The following RGS17 variants were observed in gnomAD, a reference collection of about 807,000 sequenced individuals.
RGS17 encodes the protein regulator of G protein signaling 17, also known as regulator of G-protein signaling 17.
RGS17 carries 12 observed loss-of-function variants against 25.5 expected under a neutral mutation model. The ratio of observed to expected loss-of-function variants is 0.47; its 90% CI spans 0.30 to 0.76. The LOEUF (loss-of-function observed/expected upper bound fraction) is 0.76. Among genes scored for constraint, RGS17 ranks in the 30% least tolerant of loss-of-function variants. RGS17 has a pLI of 0.07. For synonymous variants in RGS17, 71 were observed against 76.9 expected (o/e 0.92, Z 0.40); for missense variants, 196 against 242.2 (o/e 0.81, Z 1.27).
intron 1 of RGS17, among the ~76,000 whole-genome samples, chr6:153,045,116 C>A (rs1776371592): frequency 1.3e-5 from 2 of 152,144 alleles, no homozygotes; most frequent in Non-Finnish European, 2.9e-5. Flanking sequence ...CAATGATAAA[C>A]ACTTTAAAAA....
chr6:153,087,919 T>A (rs1358483345), intron 1 of RGS17, among the ~76,000 whole-genome samples: 1 of 152,162 alleles, frequency 6.6e-6, no homozygotes, highest in Non-Finnish European at 1.5e-5. Context: ...TGAATGTGGG[T>A]TACATTTACT....
At chr6:153,067,666 C>CA (rs1451063106) in intron 1 of RGS17, among the ~76,000 whole-genome samples, 1 of 151,878 alleles carries the variant, frequency 6.6e-6, no homozygotes, top group Non-Finnish European at 1.5e-5. Flanking sequence ...AAGAGGACAC[C>CA]AAAAAATGGA....
In RGS17 at chr6:153,007,963, T is replaced by A. The variant is rs936963957; in HGVS notation, c.*3611A>T. ...GATTGTATTTTAAATTCCTTCTCTT[T>A]TACATTTCAACACCAAAGCATCTAA... On this transcript the variant is annotated 3_prime_UTR_variant, in exon 5 of 5. Transcript: ENST00000206262. The A allele has an allele frequency of 3.3e-5, 5 of 152,192 alleles. No individual in the cohort carries two copies. Among genetic ancestry groups the A allele is most frequent in the African/African-American group, 9.6e-5 (4 of 41,452 alleles). The allele number at this position is 152,192 out of a possible 1,614,324, so 9.4% of individuals were successfully genotyped here. A position where few individuals can be genotyped will look rare whatever the true frequency, so the allele number is the denominator to read the frequency against.
rs1417012444 is a variant in RGS17 at position 153,054,049 on chromosome 6, A to G, written c.-25-10006T>C. On this transcript the variant is annotated intron_variant, in intron 1 of 4. Coordinates refer to ENST00000206262, the MANE Select transcript of RGS17 (RefSeq NM_012419.5). Reference sequence around the variant, plus strand: ...AATATATATACATATATATGTATATATGTATATAATATATATACATATATA... The same window carrying G: ...AATATATATACATATATATGTATATGTGTATATAATATATATACATATATA... Among the ~76,000 whole-genome samples, 148 of 84,438 alleles carry G rather than the reference A, an allele frequency of 1.8e-3. 11 individuals are homozygous for G. The highest frequency in any genetic ancestry group is 6.4e-3 in the Admixed American group (40 of 6,224). 55.4% of individuals were successfully genotyped at this position (84,438 alleles called of 152,430 possible). A position where few individuals can be genotyped will look rare whatever the true frequency, so the allele number is the denominator to read the frequency against.
intron 2 of RGS17, 31 bp from the exon 3 acceptor site, chr6:153,026,574 A>T (rs1779305234): frequency 6.5e-7 from 1 of 1,542,788 alleles, no homozygotes; most frequent in South Asian, 1.1e-5. Context: ...TAATTTTGTC[A>T]AGGGAAATTC....
chr6:153,103,175 T>C (rs920064823), intron 1 of RGS17, among the ~76,000 whole-genome samples: 2 of 152,152 alleles, frequency 1.3e-5, no homozygotes, highest in Non-Finnish European at 2.9e-5. Context: ...GATCTAACAT[T>C]TGAGTAATGA....
At chr6:153,064,274 C>G (rs1037803062) in intron 1 of RGS17, among the ~76,000 whole-genome samples, 3 of 152,074 alleles carry the variant, frequency 2.0e-5, no homozygotes, top group African/African-American at 7.2e-5. Context: ...AAAATAATAA[C>G]TTCAACAACT....
chr6:153,089,020 T>C lies in RGS17; in HGVS notation c.-26+42104A>G, dbSNP rs529452732. Among the ~76,000 whole-genome samples the C allele has an allele frequency of 5.3e-5, 8 of 152,312 alleles. No individual in the cohort carries two copies. The East Asian group carries it at 1.5e-3, about 29-fold the overall frequency. ...TCCTACTTTGTGTATTTTGTGACTA[T>C]GTGTTTGCAGAATCTCAAGAACTGC... is the stretch of plus-strand genomic sequence containing the variant. On this transcript the variant is annotated intron_variant, in intron 1 of 4. Transcript: ENST00000206262.
intron 4 of RGS17, among the ~76,000 whole-genome samples, chr6:153,020,454 T>TA (rs1459100093): frequency 2.6e-5 from 4 of 151,958 alleles, no homozygotes; most frequent in Admixed American, 2.6e-4. Context: ...CGCCCGGTGA[T>TA]ATCTCTTATT....
At chr6:153,014,654 C>G (rs183308774) in intron 4 of RGS17, among the ~76,000 whole-genome samples, 9 of 152,074 alleles carry the variant, frequency 5.9e-5, no homozygotes, top group Admixed American at 2.0e-4. Context: ...AAAAATTAGC[C>G]AGGTGTGGTG....
intron 1 of RGS17, among the ~76,000 whole-genome samples, chr6:153,087,103 C>T (rs1038959569): frequency 1.2e-5 from 1 of 81,358 alleles, no homozygotes; most frequent in Non-Finnish European, 3.0e-5. Flanking sequence ...GCCAACATGG[C>T]GAAACCCCAT....
chr6:153,049,149 C>G (rs1449493777), intron 1 of RGS17, among the ~76,000 whole-genome samples: 1 of 152,058 alleles, frequency 6.6e-6, no homozygotes, highest in Non-Finnish European at 1.5e-5. Flanking sequence ...TGGTTATCAA[C>G]ATAAAACTTC....
At position 153,008,007 on chromosome 6, in the gene RGS17, A is replaced by T. The variant is rs1213014994; in HGVS notation, c.*3567T>A. The T allele has an allele frequency of 6.6e-6, 1 of 152,218 alleles. No individual in the cohort carries two copies. Among genetic ancestry groups the T allele is most frequent in the East Asian group, 1.9e-4 (1 of 5,204 alleles). 9.4% of individuals were successfully genotyped at this position (152,218 alleles called of 1,614,324 possible). On this transcript the variant is annotated 3_prime_UTR_variant, in exon 5 of 5. Transcript: ENST00000206262. Reference sequence around the variant, plus strand: ...CATCTAATAATTGGTATTTTTTGAGATATAATTTGTCACAATTACAATATG... The same window carrying T: ...CATCTAATAATTGGTATTTTTTGAGTTATAATTTGTCACAATTACAATATG...
At chr6:153,047,576 G>T (rs1445142475) in intron 1 of RGS17, among the ~76,000 whole-genome samples, 1 of 152,164 alleles carries the variant, frequency 6.6e-6, no homozygotes, top group Non-Finnish European at 1.5e-5. Context: ...CCTTTGGGAG[G>T]TAATTAGCTC....
intron 1 of RGS17, among the ~76,000 whole-genome samples, chr6:153,055,013 G>T (rs1776534246): frequency 6.6e-6 from 1 of 152,192 alleles, no homozygotes; most frequent in Non-Finnish European, 1.5e-5. Flanking sequence ...TTGCTACATA[G>T]CTGGGGCGTC....
In RGS17 at chr6:153,057,063, C is replaced by T. The variant is rs549445358; in HGVS notation, c.-25-13020G>A. ...CACAGTGTCAAGTCTGAATGGTGCTCCTCATCCTTTCCCAAAGTATCCCTC... is the reference window on the plus strand; with the variant it reads ...CACAGTGTCAAGTCTGAATGGTGCTTCTCATCCTTTCCCAAAGTATCCCTC... On this transcript the variant is annotated intron_variant, in intron 1 of 4. Transcript: ENST00000206262. Among the ~76,000 whole-genome samples, 4 of 152,112 alleles carry T rather than the reference C, an allele frequency of 2.6e-5. No individual in the cohort carries two copies. The South Asian group carries it at 8.3e-4, about 32-fold the overall frequency.
At chr6:153,037,201 G>GACAC (rs71017568) in intron 2 of RGS17, among the ~76,000 whole-genome samples, 2 of 29,418 alleles carry the variant, frequency 6.8e-5, no homozygotes, top group East Asian at 2.9e-3. Context: ...CACACACACA[G>GACAC]ACACACACAC....
intron 1 of RGS17, among the ~76,000 whole-genome samples, chr6:153,117,472 AT>A (rs1250448151): frequency 6.6e-6 from 1 of 152,196 alleles, no homozygotes; most frequent in Non-Finnish European, 1.5e-5. Flanking sequence ...ATCTCATCCA[AT>A]ATGAGAGGAA....
At chr6:153,044,704 G>A (rs1202364973) in intron 1 of RGS17, among the ~76,000 whole-genome samples, 1 of 151,996 alleles carries the variant, frequency 6.6e-6, no homozygotes, top group Non-Finnish European at 1.5e-5. Flanking sequence ...GGAGAGTTGG[G>A]GGAAAATAAA....
Sources: allele counts gnomAD v4.1 joint callset (sites outside exome capture counted in the v4.1 genomes callset), GRCh38; gene constraint gnomAD v4.1.1; transcripts MANE v1.5; gene names NCBI Gene and HGNC (gene_info 2026-07-23, HGNC 2026-07-21).